The following ZEB2 variants were observed in gnomAD, a reference collection of about 807,000 sequenced individuals.
The protein encoded by ZEB2 is zinc finger E-box binding homeobox 2, also known as zinc finger E-box-binding homeobox 2.
Under a neutral mutation model 99.9 loss-of-function variants are expected in ZEB2, and 6 were observed. That is an observed-to-expected ratio of 0.06 (90% CI 0.03 to 0.12). The LOEUF (loss-of-function observed/expected upper bound fraction) is 0.12. Ranked by LOEUF, ZEB2 falls within the 10% of genes least tolerant of loss-of-function variation. ZEB2 has a pLI of 1.00. For synonymous variants in ZEB2, 517 were observed against 542.5 expected (o/e 0.95, Z 0.65); for missense variants, 969 against 1,502.8 (o/e 0.64, Z 5.87).
At chr2:144,404,165 C>A (rs1357247694) in intron 5 of ZEB2, 35 bp from the exon 6 acceptor site, 2 of 1,609,810 alleles carry the variant, frequency 1.2e-6, no homozygotes. Context: ...GAGAAGCGGG[C>A]CAAAAGGTCA....
Position 144,384,091 on chromosome 2 carries a change from T to C in ZEB2, c.*5360A>G, listed in dbSNP as rs1343081182. On this transcript the variant is annotated 3_prime_UTR_variant, in exon 10 of 10. Transcript: ENST00000627532. ...AGAATACTTAAAAGATCATTTGTCA[T>C]CACTTTAATCTTCATGTATTTTTTA... 1 of 152,218 alleles carries C rather than the reference T, an allele frequency of 6.6e-6. No individual in the cohort carries two copies. The highest frequency in any genetic ancestry group is 1.5e-5 in the Non-Finnish European group (1 of 68,030). 9.4% of individuals were successfully genotyped at this position (152,218 alleles called of 1,614,324 possible).
At chr2:144,407,670 T>C (rs1181949908) in intron 4 of ZEB2, among the ~76,000 whole-genome samples, 1 of 152,230 alleles carries the variant, frequency 6.6e-6, no homozygotes, top group Non-Finnish European at 1.5e-5. Context: ...AGTGACTGAC[T>C]TCTTTTTCAG....
chr2:144,456,044 G>A (rs965600822), intron 2 of ZEB2, among the ~76,000 whole-genome samples: 32 of 151,926 alleles, frequency 2.1e-4, no homozygotes, highest in African/African-American at 7.2e-5. Context: ...TAAAGATGGC[G>A]AACTCAGAGA....
At chr2:144,455,196 G>A (rs1192631446) in intron 2 of ZEB2, 1 of 152,144 alleles carries the variant, frequency 6.6e-6, no homozygotes, top group Non-Finnish European at 1.5e-5. Flanking sequence ...ATTACATTCT[G>A]CTCTGACTAA....
intron 2 of ZEB2, among the ~76,000 whole-genome samples, chr2:144,498,466 T>C (rs1286927243): frequency 6.6e-6 from 1 of 151,904 alleles, no homozygotes; most frequent in Non-Finnish European, 1.5e-5. Flanking sequence ...AGCCATTCTT[T>C]GATGAAGTCT....
At chr2:144,513,051 T>C (rs531553024) in intron 2 of ZEB2, 2 of 1,287,226 alleles carry the variant, frequency 1.6e-6, no homozygotes, top group East Asian at 1.1e-4. Context: ...TCTAAGTGTG[T>C]ATGACTCTCG....
chr2:144,421,174 T>C (rs971394697), intron 4 of ZEB2, among the ~76,000 whole-genome samples: 1 of 152,184 alleles, frequency 6.6e-6, no homozygotes, highest in Non-Finnish European at 1.5e-5. Flanking sequence ...ATTCACTCGC[T>C]CATTTCTTCA....
At chr2:144,511,856 T>C (rs1039787340) in intron 2 of ZEB2, 63 of 1,287,118 alleles carry the variant, frequency 4.9e-5, no homozygotes, top group Non-Finnish European at 5.6e-5. Context: ...TTCCCTCTGC[T>C]CTGAATTATT....
intron 2 of ZEB2, among the ~76,000 whole-genome samples, chr2:144,506,294 G>A (rs1471588302): frequency 1.3e-5 from 2 of 152,202 alleles, no homozygotes; most frequent in African/African-American, 4.8e-5. Flanking sequence ...ATTTGTGTTT[G>A]TGTGCATGTG....
intron 2 of ZEB2, among the ~76,000 whole-genome samples, chr2:144,478,215 T>C (rs932720600): frequency 6.6e-6 from 1 of 152,196 alleles, no homozygotes; most frequent in Non-Finnish European, 1.5e-5. Flanking sequence ...AGGGCCTAGG[T>C]AATTACTTGA....
chr2:144,399,845 G>A lies in ZEB2; in HGVS notation c.1342C>T (p.Leu448Phe), dbSNP rs1390459414. ...TTACTATTCATGGTGGGAAACCCAA[G>A]TAAAGGGGCTTCCATCCCTACACCT... ...HLGVGMEAPL[L>F]GFPTMNSNLS... is the part of the protein sequence containing the mutation. The change falls in exon 8 of 10, where the codon CTT (leucine) becomes TTT (phenylalanine). Residue 448 changes from leucine to phenylalanine, a missense_variant. Leu to Phe is a conservative substitution (Grantham distance 22, BLOSUM62 0). Around this residue, in one of 8 missense-constraint regions of ZEB2, gnomAD observed 227 missense variants for 278.2 expected, o/e 0.82. Coordinates refer to ENST00000627532, the MANE Select transcript of ZEB2 (RefSeq NM_014795.4). This position sits in a 1 kb window ranked among gnomAD's most constrained non-coding sequence, Gnocchi z 5.6. 2 of 1,614,176 alleles carry A rather than the reference G, an allele frequency of 1.2e-6. No individual in the cohort carries two copies. The highest frequency in any genetic ancestry group is 1.7e-6 in the Non-Finnish European group (2 of 1,180,030).
At chr2:144,512,273 C>A (rs1175604404) in intron 2 of ZEB2, 2 of 1,287,204 alleles carry the variant, frequency 1.6e-6, no homozygotes, top group Non-Finnish European at 2.0e-6. Context: ...TCCTTTCACA[C>A]AGAAGAAAAT....
chr2:144,501,380 T>C (rs781570809), intron 2 of ZEB2, among the ~76,000 whole-genome samples: 39 of 152,144 alleles, frequency 2.6e-4, no homozygotes, highest in Admixed American at 3.9e-4. Flanking sequence ...ATGTAAGCAA[T>C]TGTGGATGTT....
At chr2:144,458,340 C>T (rs904748335) in intron 2 of ZEB2, among the ~76,000 whole-genome samples, 5 of 152,064 alleles carry the variant, frequency 3.3e-5, no homozygotes, top group African/African-American at 9.7e-5. Flanking sequence ...GAAATTGAAT[C>T]GGAAATGCCC....
At chr2:144,452,716 C>A (rs1000824476) in intron 2 of ZEB2, among the ~76,000 whole-genome samples, 1 of 152,084 alleles carries the variant, frequency 6.6e-6, no homozygotes, top group Non-Finnish European at 1.5e-5. Context: ...TTTGTTTTTC[C>A]TTCCAGCCTT....
rs1469266757 is a variant in ZEB2 at position 144,517,374 on chromosome 2, G to A, written c.-24C>T. On this transcript the variant is annotated 5_prime_UTR_variant, in exon 2 of 10. Coordinates refer to ENST00000627532, the MANE Select transcript of ZEB2 (RefSeq NM_014795.4). The stretch of plus-strand genomic sequence containing the variant: ...ATTGATAAGAGCGGATCAGATGGCA[G>A]TTCGCATGGACTCGGCGCCCTGCTT... The A allele has an allele frequency of 1.9e-6, 3 of 1,613,426 alleles. No individual in the cohort carries two copies. The African/African-American group carries it at 4.0e-5, about 22-fold the overall frequency.
At chr2:144,513,809 T>A in intron 2 of ZEB2, 1 of 1,536,100 alleles carries the variant, frequency 6.5e-7, no homozygotes, top group South Asian at 1.2e-5. Flanking sequence ...TGTGTGGAGA[T>A]AGTGGGGTAT....
chr2:144,456,200 GC>G (rs1704120073), intron 2 of ZEB2, among the ~76,000 whole-genome samples: 1 of 151,780 alleles, frequency 6.6e-6, no homozygotes, highest in African/African-American at 2.4e-5. Flanking sequence ...AATTTCCTTT[GC>G]TTTTGTCAAA....
chr2:144,400,481 G>A (rs1161862127), intron 7 of ZEB2: 1 of 645,852 alleles, frequency 1.5e-6, no homozygotes. Context: ...ACAGTGGAAG[G>A]TAAGGGCTAT....
Sources: gnomAD v4.1 joint callset for allele counts (sites outside exome capture counted in the v4.1 genomes callset) on GRCh38, gnomAD v4.1.1 for gene constraint, gnomAD v4.1.1 regional missense constraint, Gnocchi (gnomAD v3.1) non-coding constraint, MANE v1.5 for transcripts, NCBI Gene and HGNC (gene_info 2026-07-23, HGNC 2026-07-21) for gene names.